The following KRTAP21-1 variants were observed in gnomAD, a reference collection of about 807,000 sequenced individuals.
KRTAP21-1 encodes keratin-associated protein 21-1.
For synonymous variants in KRTAP21-1, 29 were observed against 39.7 expected (o/e 0.73, Z 1.01); for missense variants, 75 against 96.3 (o/e 0.78, Z 0.92).
rs140726758 is a variant in KRTAP21-1, at chr21:30,755,319, A to G, written c.60T>C (p.Tyr20=). 4.0e-4 allele frequency: 640 copies of G among 1,614,032 alleles called. 6 individuals carry two copies. The South Asian group carries it at 4.7e-3, about 12-fold the overall frequency. ...CACAGCCACAGCCAGAGCCAGAGCC[A>G]TAGCCACAGCCACAGCCGGAGCCAT... ...CGYGSGCGCG[Y]GSGSGCGCGY... Residue 20 remains tyrosine (Y), a synonymous_variant, in exon 1 of 1, where the codon TAT becomes TAC. Coordinates refer to ENST00000335093, the MANE Select transcript of KRTAP21-1 (RefSeq NM_181619.2).
rs373674083 is a variant in KRTAP21-1 at position 30,755,118 on chromosome 21, T to C, written c.*21A>G. ...TCAGACGTGTCATTTTAGAAGCAAATGGTCCTCCGACAGTGATGTTTTAGC... is the reference window on the plus strand; with the variant it reads ...TCAGACGTGTCATTTTAGAAGCAAACGGTCCTCCGACAGTGATGTTTTAGC... On this transcript the variant is annotated 3_prime_UTR_variant, in exon 1 of 1. Transcript: ENST00000335093. The C allele has an allele frequency of 7.4e-6, 12 of 1,613,582 alleles. No individual in the cohort carries two copies. Among genetic ancestry groups the C allele is most frequent in the African/African-American group, 5.3e-5 (4 of 74,916 alleles).
chr21:30,755,299 CCA>C, the KRTAP21-1 span: 67 of 1,613,156 alleles, frequency 4.2e-5, no homozygotes, highest in Admixed American at 3.3e-4. Context: ...ATAGCCACAG[CCA>C]CAGCCAGAGC....
chr21:30,755,300 C>T lies in KRTAP21-1; in HGVS notation c.79G>A (p.Gly27Ser). The change falls in exon 1 of 1, where the codon GGC becomes AGC. Residue 27 changes from glycine to serine, a missense_variant. Physicochemically the swap from Gly to Ser is moderately conservative, Grantham distance 56. Transcript: ENST00000335093. ...CCATAGCCAGTTCCATAGCCACAGC[C>T]ACAGCCAGAGCCAGAGCCATAGCCA... ...GCGYGSGSGC[G>S]CGYGTGYGCG... 4 of 1,612,926 alleles carry T rather than the reference C, an allele frequency of 2.5e-6. No homozygotes were observed. The highest frequency in any genetic ancestry group is 3.4e-6 in the Non-Finnish European group (4 of 1,179,672).
In KRTAP21-1 at chr21:30,755,214, G is replaced by A. The variant is rs201116761; in HGVS notation, c.165C>T (p.Gly55=). The A allele has an allele frequency of 1.9e-6, 3 of 1,613,828 alleles. No individual in the cohort carries two copies. In the African/African-American group the frequency reaches 4.0e-5, roughly 22 times the overall value. ...AGCCAGAGCCAGAGCCATATCCACA[G>A]CCATAGCCAGTTCCATAACCACAGC... is the stretch of plus-strand genomic sequence containing the variant. ...HYGCGYGTGY[G]CGYGSGSGYC... Residue 55 remains glycine (G), a synonymous_variant, in exon 1 of 1, where the codon GGC becomes GGT. Transcript: ENST00000335093.
chr21:30,755,359 C>T lies in KRTAP21-1; in HGVS notation c.20G>A (p.Gly7Asp). MCCNYY[G>D]NSCGYGSGCG... ...GCCGGAGCCATAGCCACAGGAGTTG[C>T]CGTAGTAGTTGCAACACATGTTGTC... is the stretch of plus-strand genomic sequence containing the variant. The change falls in exon 1 of 1, where the codon GGC becomes GAC. Residue 7 changes from glycine to aspartate, a missense_variant. By Grantham distance (94) the Gly-to-Asp change is moderately conservative (BLOSUM62 -1). Transcript: ENST00000335093. 1 of 1,611,194 alleles carries T rather than the reference C, an allele frequency of 6.2e-7. No homozygotes were observed. The highest frequency in any genetic ancestry group is 8.5e-7 in the Non-Finnish European group (1 of 1,178,696).
In KRTAP21-1 at chr21:30,755,102, T is replaced by A; in HGVS notation, c.*37A>T. The A allele has an allele frequency of 6.2e-7, 1 of 1,612,858 alleles. No homozygotes were observed. The highest frequency in any genetic ancestry group is 8.5e-7 in the Non-Finnish European group (1 of 1,179,990). On this transcript the variant is annotated 3_prime_UTR_variant, in exon 1 of 1. Transcript: ENST00000335093. ...TGAATCAGCATTATCTTCAGACGTG[T>A]CATTTTAGAAGCAAATGGTCCTCCG...
At position 30,755,211 on chromosome 21, in the gene KRTAP21-1, A is replaced by G. The variant is rs1358429654; in HGVS notation, c.168T>C (p.Cys56=). ...AGTAGCCAGAGCCAGAGCCATATCC[A>G]CAGCCATAGCCAGTTCCATAACCAC... The part of the protein sequence containing the change: ...YGCGYGTGYG[C]GYGSGSGYCG... Residue 56 remains cysteine, a synonymous_variant, in exon 1 of 1, where the codon TGT becomes TGC. Coordinates refer to ENST00000335093, the MANE Select transcript of KRTAP21-1 (RefSeq NM_181619.2). 1 of 1,613,906 alleles carries G rather than the reference A, an allele frequency of 6.2e-7. No homozygotes were observed. The highest frequency in any genetic ancestry group is 1.1e-5 in the South Asian group (1 of 91,076).
Position 30,755,070 on chromosome 21 carries a change from G to T in KRTAP21-1, c.*69C>A. 1 of 1,606,426 alleles carries T rather than the reference G, an allele frequency of 6.2e-7. No individual in the cohort carries two copies. Among genetic ancestry groups the T allele is most frequent in the Non-Finnish European group, 8.5e-7 (1 of 1,179,362 alleles). ...CTTGGATATAGAAATCTTGGAGTACGAATCCTTGAATCAGCATTATCTTCA... is the reference window on the plus strand; with the variant it reads ...CTTGGATATAGAAATCTTGGAGTACTAATCCTTGAATCAGCATTATCTTCA... On this transcript the variant is annotated 3_prime_UTR_variant, in exon 1 of 1. Transcript: ENST00000335093.
rs1390045664 is a variant in KRTAP21-1 at position 30,755,348 on chromosome 21, C to T, written c.31G>A (p.Gly11Ser). The T allele has an allele frequency of 6.2e-7, 1 of 1,613,158 alleles. No individual in the cohort carries two copies. Among genetic ancestry groups the T allele is most frequent in the African/African-American group, 1.3e-5 (1 of 74,972 alleles). MCCNYYGNSC[G>S]YGSGCGCGYG... ...CCACAGCCACAGCCGGAGCCATAGC[C>T]ACAGGAGTTGCCGTAGTAGTTGCAA... Residue 11 changes from glycine to serine, a missense_variant, in exon 1 of 1, where the codon GGC becomes AGC. Physicochemically the swap from Gly to Ser is moderately conservative, Grantham distance 56 (BLOSUM62 0). Transcript: ENST00000335093.
Position 30,755,368 on chromosome 21 carries a change from T to A in KRTAP21-1, c.11A>T (p.Asn4Ile), listed in dbSNP as rs746317493. The A allele has an allele frequency of 1.2e-6, 2 of 1,609,058 alleles. No homozygotes were observed. Among genetic ancestry groups the A allele is most frequent in the Non-Finnish European group, 1.7e-6 (2 of 1,177,502 alleles). The change falls in exon 1 of 1, where the codon AAC (asparagine) becomes ATC (isoleucine). Residue 4 changes from asparagine to isoleucine, a missense_variant. Transcript: ENST00000335093. The stretch of plus-strand genomic sequence containing the variant: ...ATAGCCACAGGAGTTGCCGTAGTAG[T>A]TGCAACACATGTTGTCAAGAGGAGA... MCC[N>I]YYGNSCGYGS...
chr21:30,755,207 A>T lies in KRTAP21-1; in HGVS notation c.172T>A (p.Tyr58Asn), dbSNP rs770007862. The change falls in exon 1 of 1, where the codon TAT (tyrosine) becomes AAT (asparagine). Residue 58 changes from tyrosine (Y) to asparagine (N), a missense_variant. Physicochemically the swap from Tyr to Asn is moderately radical, Grantham distance 143 (BLOSUM62 -2). Coordinates refer to ENST00000335093, the MANE Select transcript of KRTAP21-1 (RefSeq NM_181619.2). ...CGYGTGYGCGYGSGSGYCGYR... is the reference protein window; with the variant it reads ...CGYGTGYGCGNGSGSGYCGYR... ...CCACAGTAGCCAGAGCCAGAGCCAT[A>T]TCCACAGCCATAGCCAGTTCCATAA... 1.9e-6 allele frequency: 3 copies of T among 1,614,016 alleles called. No individual in the cohort carries two copies. Among genetic ancestry groups the T allele is most frequent in the Non-Finnish European group, 2.5e-6 (3 of 1,179,956 alleles).
In KRTAP21-1 at chr21:30,755,160, T is replaced by C. The variant is rs1432900354; in HGVS notation, c.219A>G (p.Arg73=). 12 of 1,613,996 alleles carry C rather than the reference T, an allele frequency of 7.4e-6. No individual in the cohort carries two copies. The highest frequency in any genetic ancestry group is 1.0e-5 in the Non-Finnish European group (12 of 1,180,030). ...TGTTTTAGCAGGAAGAATAGCATCTTCTAAAGCAAAATGGCCGGTAGCCAC... is the reference window on the plus strand; with the variant it reads ...TGTTTTAGCAGGAAGAATAGCATCTCCTAAAGCAAAATGGCCGGTAGCCAC... ...GYCGYRPFCF[R]RCYSSC The change falls in exon 1 of 1, where the codon AGA becomes AGG. Residue 73 remains arginine, a synonymous_variant. Transcript: ENST00000335093.
Position 30,755,290 on chromosome 21 carries a change from TAGCCACAGCCAC to T in KRTAP21-1, c.77_88del (p.Cys26_Gly29del), listed in dbSNP as rs780359827. The stretch of plus-strand genomic sequence containing the variant: ...ATACCCACAGCCATAGCCAGTTCCA[TAGCCACAGCCAC>T]AGCCAGAGCCAGAGCCATAGCCACA... On this transcript the variant is annotated inframe_deletion, in exon 1 of 1. Coordinates refer to ENST00000335093, the MANE Select transcript of KRTAP21-1 (RefSeq NM_181619.2). 1.4e-5 allele frequency: 23 copies of T among 1,612,716 alleles called. No individual in the cohort carries two copies. The highest frequency in any genetic ancestry group is 1.7e-5 in the Non-Finnish European group (20 of 1,179,696).
chr21:30,755,188 T>G lies in KRTAP21-1; in HGVS notation c.191A>C (p.Tyr64Ser). ...YGCGYGSGSG[Y>S]CGYRPFCFRR... is the part of the protein sequence containing the mutation. Reference sequence around the variant, plus strand: ...AAAGCAAAATGGCCGGTAGCCACAGTAGCCAGAGCCAGAGCCATATCCACA... The same window carrying G: ...AAAGCAAAATGGCCGGTAGCCACAGGAGCCAGAGCCAGAGCCATATCCACA... Residue 64 changes from tyrosine (Y) to serine (S), a missense_variant, in exon 1 of 1, where the codon TAC becomes TCC. Coordinates refer to ENST00000335093, the MANE Select transcript of KRTAP21-1 (RefSeq NM_181619.2). The G allele has an allele frequency of 6.2e-7, 1 of 1,614,086 alleles. No homozygotes were observed. The highest frequency in any genetic ancestry group is 1.1e-5 in the South Asian group (1 of 91,078).
Position 30,755,231 on chromosome 21 carries a change from A to G in KRTAP21-1, c.148T>C (p.Tyr50His). Residue 50 changes from tyrosine to histidine, a missense_variant, in exon 1 of 1, where the codon TAT becomes CAT. Transcript: ENST00000335093. The part of the protein sequence containing the change: ...CGFGSHYGCG[Y>H]GTGYGCGYGS... ...TATCCACAGCCATAGCCAGTTCCATAACCACAGCCATAATGGGAGCCAAAC... is the reference window on the plus strand; with the variant it reads ...TATCCACAGCCATAGCCAGTTCCATGACCACAGCCATAATGGGAGCCAAAC... 1 of 1,613,848 alleles carries G rather than the reference A, an allele frequency of 6.2e-7. No homozygotes were observed.
Position 30,755,063 on chromosome 21 carries a change from G to C in KRTAP21-1, c.*76C>G. ...TGTAATTCTTGGATATAGAAATCTT[G>C]GAGTACGAATCCTTGAATCAGCATT... On this transcript the variant is annotated 3_prime_UTR_variant, in exon 1 of 1. Coordinates refer to ENST00000335093, the MANE Select transcript of KRTAP21-1 (RefSeq NM_181619.2). 1 of 1,602,804 alleles carries C rather than the reference G, an allele frequency of 6.2e-7. No homozygotes were observed. Among genetic ancestry groups the C allele is most frequent in the Non-Finnish European group, 8.5e-7 (1 of 1,178,262 alleles).
rs1203484850 is a variant in KRTAP21-1 at position 30,755,375 on chromosome 21, A to C, written c.4T>G (p.Cys2Gly). The C allele has an allele frequency of 1.0e-5, 16 of 1,605,988 alleles. No individual in the cohort carries two copies. Among genetic ancestry groups the C allele is most frequent in the Admixed American group, 5.0e-5 (3 of 59,522 alleles). MCCNYYGNSCGY... is the reference protein window; with the variant it reads MGCNYYGNSCGY... ...CAGGAGTTGCCGTAGTAGTTGCAAC[A>C]CATGTTGTCAAGAGGAGAGAATTGA... is the stretch of plus-strand genomic sequence containing the variant. The change falls in exon 1 of 1, where the codon TGT (cysteine) becomes GGT (glycine). Residue 2 changes from cysteine to glycine, a missense_variant. Coordinates refer to ENST00000335093, the MANE Select transcript of KRTAP21-1 (RefSeq NM_181619.2).
In KRTAP21-1 at chr21:30,755,086, A is replaced by C; in HGVS notation, c.*53T>G. The C allele has an allele frequency of 6.2e-7, 1 of 1,610,810 alleles. No homozygotes were observed. ...TTGGAGTACGAATCCTTGAATCAGC[A>C]TTATCTTCAGACGTGTCATTTTAGA... is the stretch of plus-strand genomic sequence containing the variant. On this transcript the variant is annotated 3_prime_UTR_variant, in exon 1 of 1. Coordinates refer to ENST00000335093, the MANE Select transcript of KRTAP21-1 (RefSeq NM_181619.2).
rs752128850 is a variant in KRTAP21-1, at chr21:30,755,248, GAGCCAAACCCAC to G, written c.119_130del (p.Cys40_Gly43del). ...AGTTCCATAACCACAGCCATAATGG[GAGCCAAACCCAC>G]AGCCATACCCACAGCCATAGCCAGT... On this transcript the variant is annotated inframe_deletion, in exon 1 of 1. Coordinates refer to ENST00000335093, the MANE Select transcript of KRTAP21-1 (RefSeq NM_181619.2). 1,896 of 1,613,518 alleles carry G rather than the reference GAGCCAAACCCAC, an allele frequency of 1.2e-3. 19 individuals are homozygous for G. The highest frequency in any genetic ancestry group is 8.2e-3 in the Middle Eastern group (50 of 6,062).
Sources: allele counts gnomAD v4.1 joint callset, GRCh38; gene constraint gnomAD v4.1.1; transcripts MANE v1.5; gene names NCBI Gene and HGNC (gene_info 2026-07-23, HGNC 2026-07-21).